Variants in PAX3 observed in about 807,000 individuals in gnomAD.
The protein encoded by PAX3 is paired box 3.
In PAX3, 14 loss-of-function variants were observed where a neutral mutation model predicts 51.6. The ratio of observed to expected loss-of-function variants is 0.27; its 90% CI spans 0.18 to 0.42. PAX3 has a LOEUF of 0.42. Among genes scored for constraint, PAX3 ranks in the 10% least tolerant of loss-of-function variants. The pLI is 1.00. For missense variants in PAX3, 540 were observed against 642.8 expected (o/e 0.84, Z 1.73); for synonymous variants, 280 against 253.4 (o/e 1.11, Z -1.00).
Position 222,295,524 on chromosome 2 carries a change from G to T in PAX3, c.451+4C>A. 1 of 1,614,222 alleles carries T rather than the reference G, an allele frequency of 6.2e-7. No individual in the cohort carries two copies. Among genetic ancestry groups the T allele is most frequent in the Non-Finnish European group, 8.5e-7 (1 of 1,180,042 alleles). ...CCTCGGGGAGAGGTTAATGGGCCTA[G>T]TACCTGACGGCACGGTGTTTCGATC... On this transcript the variant is annotated splice_donor_region_variant and intron_variant, in intron 3 of 8. Transcript: ENST00000392070.
chr2:222,208,165 C>T (rs963585457), intron 7 of PAX3, among the ~76,000 whole-genome samples: 6 of 152,080 alleles, frequency 3.9e-5, no homozygotes, highest in Non-Finnish European at 8.8e-5. Context: ...GTTAGACCCA[C>T]CATGGGCATA....
chr2:222,217,407 C>T (rs185636361), intron 7 of PAX3, among the ~76,000 whole-genome samples: 9 of 152,220 alleles, frequency 5.9e-5, no homozygotes, highest in Non-Finnish European at 8.8e-5. Context: ...CTTCATTCAA[C>T]TCTGGACTAT....
chr2:222,212,232 A>T (rs888586952), intron 7 of PAX3, among the ~76,000 whole-genome samples: 6 of 152,154 alleles, frequency 3.9e-5, no homozygotes, highest in African/African-American at 1.4e-4. Context: ...GCAATAGTTT[A>T]ACTAGATTTT....
At chr2:222,219,014 A>C (rs1327800625) in intron 7 of PAX3, among the ~76,000 whole-genome samples, 1 of 152,186 alleles carries the variant, frequency 6.6e-6, no homozygotes, top group East Asian at 1.9e-4. Flanking sequence ...TTCCACTCCC[A>C]AGACACACAC....
intron 4 of PAX3, among the ~76,000 whole-genome samples, chr2:222,291,904 T>A (rs1695052862): frequency 6.6e-6 from 1 of 151,690 alleles, no homozygotes. Context: ...GAGCTAGAGA[T>A]GCTGAAGAGA....
At chr2:222,257,292 C>G (rs1693682983) in intron 4 of PAX3, among the ~76,000 whole-genome samples, 1 of 151,742 alleles carries the variant, frequency 6.6e-6, no homozygotes, top group African/African-American at 2.4e-5. Flanking sequence ...TATGCTGTAA[C>G]AATTCAAGAT....
chr2:222,226,281 A>G (rs1174491958), intron 5 of PAX3, among the ~76,000 whole-genome samples: 1 of 152,142 alleles, frequency 6.6e-6, no homozygotes, highest in African/African-American at 2.4e-5. Flanking sequence ...CAAGCTGCTC[A>G]TTTCCCTGGA....
intron 4 of PAX3, among the ~76,000 whole-genome samples, chr2:222,281,938 G>A (rs1460586816): frequency 3.3e-5 from 5 of 152,154 alleles, no homozygotes; most frequent in African/African-American, 1.2e-4. Flanking sequence ...ACAAACGAAA[G>A]TTCTAGAATT....
chr2:222,284,676 A>G (rs746056490), intron 4 of PAX3, among the ~76,000 whole-genome samples: 1 of 151,950 alleles, frequency 6.6e-6, no homozygotes, highest in Non-Finnish European at 1.5e-5. Context: ...GCCCTGAATT[A>G]GGCTTTATCT....
Position 222,200,819 on chromosome 2 carries a change from T to G in PAX3, c.*589A>C. 1 of 353,838 alleles carries G rather than the reference T, an allele frequency of 2.8e-6. No homozygotes were observed. The highest frequency in any genetic ancestry group is 5.2e-6 in the Non-Finnish European group (1 of 192,652). The allele number at this position is 353,838 out of a possible 1,614,324, so 21.9% of individuals were successfully genotyped here. On this transcript the variant is annotated 3_prime_UTR_variant, in exon 9 of 9. Coordinates refer to ENST00000392070, the MANE Select transcript of PAX3 (RefSeq NM_181458.4). ...ACAAATAATTTATTTAGGAGGTCCT[T>G]TACAGCTAGTCTAGCTTCCTAAAAA...
intron 4 of PAX3, among the ~76,000 whole-genome samples, chr2:222,291,357 A>T (rs1695031109): frequency 6.6e-6 from 1 of 152,120 alleles, no homozygotes; most frequent in African/African-American, 2.4e-5. Context: ...AGCTGGAGGG[A>T]TGTATCCAGC....
intron 4 of PAX3, among the ~76,000 whole-genome samples, chr2:222,243,842 C>T (rs147215767): frequency 2.4e-4 from 36 of 152,290 alleles, no homozygotes; most frequent in African/African-American, 8.7e-4. Context: ...AATAACTGAA[C>T]ATAGGAGAAA....
intron 4 of PAX3, among the ~76,000 whole-genome samples, chr2:222,268,443 C>T (rs45556234): frequency 7.9e-5 from 12 of 152,078 alleles, no homozygotes; most frequent in African/African-American, 1.9e-4. Flanking sequence ...TCCAATCAAC[C>T]CCCCCAGCCC....
At chr2:222,246,927 G>A (rs550805352) in intron 4 of PAX3, among the ~76,000 whole-genome samples, 8 of 152,240 alleles carry the variant, frequency 5.3e-5, no homozygotes, top group African/African-American at 1.7e-4. Context: ...GCATTTGGAT[G>A]GCCAGATATG....
chr2:222,294,748 A>G (rs1695194877), intron 3 of PAX3, among the ~76,000 whole-genome samples: 1 of 107,758 alleles, frequency 9.3e-6, no homozygotes, highest in Non-Finnish European at 1.9e-5. Flanking sequence ...ACCAAAGCCG[A>G]CTTGTCCGCG....
chr2:222,265,420 A>T (rs1211416855), intron 4 of PAX3, among the ~76,000 whole-genome samples: 1 of 152,140 alleles, frequency 6.6e-6, no homozygotes, highest in African/African-American at 2.4e-5. Flanking sequence ...TTGGGAGGCC[A>T]AGGCGGGTGG....
intron 7 of PAX3, among the ~76,000 whole-genome samples, chr2:222,212,100 G>A (rs1231273122): frequency 6.6e-6 from 1 of 152,110 alleles, no homozygotes; most frequent in African/African-American, 2.4e-5. Context: ...GGCATCAATA[G>A]AGGCTAAAAA....
intron 4 of PAX3, among the ~76,000 whole-genome samples, chr2:222,248,487 G>T (rs1280401166): frequency 1.3e-5 from 2 of 152,160 alleles, no homozygotes; most frequent in Non-Finnish European, 2.9e-5. Context: ...AGAGCATTTT[G>T]TACTTTCCAT....
In PAX3 at chr2:222,203,017, A is replaced by ATATATATATC. The variant is rs1214594083; in HGVS notation, c.1174-828_1174-827insGATATATATA. On this transcript the variant is annotated intron_variant, in intron 7 of 8. Transcript: ENST00000392070. The stretch of plus-strand genomic sequence containing the variant: ...TCTTCTCTAAACAACCATTTCATAT[A>ATATATATATC]TATATATATATATATATATATATAT... 2.9e-4 allele frequency among the ~76,000 whole-genome samples: 12 copies of ATATATATATC among 41,158 alleles called. 1 individual carries two copies. The highest frequency in any genetic ancestry group is 1.2e-3 in the African/African-American group (12 of 10,048). The allele number at this position is 41,158 out of a possible 152,430, so 27.0% of individuals were successfully genotyped here. A position where few individuals can be genotyped will look rare whatever the true frequency, so the allele number is the denominator to read the frequency against.
Sources: gnomAD v4.1 joint callset for allele counts (sites outside exome capture counted in the v4.1 genomes callset) on GRCh38, gnomAD v4.1.1 for gene constraint, MANE v1.5 for transcripts, NCBI Gene and HGNC (gene_info 2026-07-23, HGNC 2026-07-21) for gene names.